Variants in CNKSR2 observed in about 807,000 individuals in gnomAD.
The protein encoded by CNKSR2 is CNK homolog protein 2.
In CNKSR2, 14 loss-of-function variants were observed where a neutral mutation model predicts 84.4. That is an observed-to-expected ratio of 0.17 (90% CI 0.11 to 0.26). The LOEUF (loss-of-function observed/expected upper bound fraction) is 0.26. CNKSR2 is among the 10% of genes least tolerant of loss of function. The probability of loss-of-function intolerance (pLI) is 1.00; values close to 1 mark genes in which losing one functional copy is unlikely to be tolerated. For synonymous variants in CNKSR2, 275 were observed against 277.9 expected (o/e 0.99, Z 0.10); for missense variants, 485 against 771.2 (o/e 0.63, Z 4.40).
intron 1 of CNKSR2, among the ~76,000 whole-genome samples, chrX:21,384,626 A>T (rs140094626): frequency 6.2e-5 from 7 of 112,109 alleles, no homozygotes; most frequent in Non-Finnish European, 1.1e-4. Context: ...GATCAATCTA[A>T]TAATGCAAAC....
intron 5 of CNKSR2, among the ~76,000 whole-genome samples, chrX:21,486,663 C>T (rs1327867543): frequency 8.9e-6 from 1 of 111,740 alleles, no homozygotes; most frequent in African/African-American, 3.2e-5. Flanking sequence ...CAAATTATAG[C>T]TAATAATAAT....
At chrX:21,586,854 A>G (rs369022096) in intron 13 of CNKSR2, among the ~76,000 whole-genome samples, 54 of 112,065 alleles carry the variant, frequency 4.8e-4, no homozygotes, top group African/African-American at 1.5e-3. Flanking sequence ...ATTCCCCTAA[A>G]AGGCATCGCA....
intron 7 of CNKSR2, among the ~76,000 whole-genome samples, chrX:21,500,202 G>A (rs1331620336): frequency 2.7e-5 from 3 of 110,840 alleles, no homozygotes; most frequent in Non-Finnish European, 5.7e-5. Flanking sequence ...TATTACTTCA[G>A]TAACTAGAAC....
At chrX:21,525,332 T>C (rs1259700027) in intron 9 of CNKSR2, among the ~76,000 whole-genome samples, 1 of 111,385 alleles carries the variant, frequency 9.0e-6, no homozygotes, top group African/African-American at 3.2e-5. Context: ...ATTCCAAAAT[T>C]AGCATAGTAA....
At chrX:21,568,714 A>C (rs1159032095) in intron 13 of CNKSR2, among the ~76,000 whole-genome samples, 2 of 111,360 alleles carry the variant, frequency 1.8e-5, no homozygotes, top group Non-Finnish European at 3.8e-5. Context: ...TACAAATACT[A>C]TCTTATTTAA....
At chrX:21,451,222 G>A (rs1405355396) in intron 4 of CNKSR2, among the ~76,000 whole-genome samples, 1 of 111,544 alleles carries the variant, frequency 9.0e-6, no homozygotes, top group African/African-American at 3.3e-5. Flanking sequence ...AGTTGAATAT[G>A]GGGTTCCTTC....
At chrX:21,549,981 G>A (rs2092069910) in intron 11 of CNKSR2, among the ~76,000 whole-genome samples, 1 of 111,901 alleles carries the variant, frequency 8.9e-6, no homozygotes, top group Non-Finnish European at 1.9e-5. Context: ...AGAAAACCTA[G>A]GCAGTACCAT....
intron 2 of CNKSR2, 34 bp downstream of exon 2, chrX:21,426,694 C>A: frequency 8.7e-7 from 1 of 1,146,399 alleles, no homozygotes; most frequent in Non-Finnish European, 1.2e-6. Flanking sequence ...AGGGAAACTT[C>A]TCTTTTTCTT....
At chrX:21,552,386 A>G (rs1601939778) in intron 11 of CNKSR2, among the ~76,000 whole-genome samples, 1 of 112,169 alleles carries the variant, frequency 8.9e-6, no homozygotes, top group Non-Finnish European at 1.9e-5. Flanking sequence ...TGTTTCCCAA[A>G]TGTGTTTGTA....
intron 1 of CNKSR2, among the ~76,000 whole-genome samples, chrX:21,407,838 A>G (rs1449188087): frequency 8.9e-6 from 1 of 112,171 alleles, no homozygotes; most frequent in Non-Finnish European, 1.9e-5. Context: ...CTGTGGTGCT[A>G]TAACCAAAAG....
At chrX:21,463,572 A>G (rs967360117) in intron 4 of CNKSR2, among the ~76,000 whole-genome samples, 1 of 111,410 alleles carries the variant, frequency 9.0e-6, no homozygotes, top group African/African-American at 3.3e-5. Flanking sequence ...GTGTGTGTCT[A>G]GGAATTTATC....
At chrX:21,517,724 T>A (rs1601891476) in intron 9 of CNKSR2, among the ~76,000 whole-genome samples, 1 of 109,324 alleles carries the variant, frequency 9.1e-6, no homozygotes, top group Non-Finnish European at 1.9e-5. Flanking sequence ...AGAAGTTAAT[T>A]AAAAAAAAAT....
At chrX:21,543,063 C>T (rs1569231721) in intron 11 of CNKSR2, among the ~76,000 whole-genome samples, 2 of 112,437 alleles carry the variant, frequency 1.8e-5, no homozygotes, top group Non-Finnish European at 3.8e-5. Context: ...TGACATATAG[C>T]AGTATGATGA....
intron 20 of CNKSR2, among the ~76,000 whole-genome samples, chrX:21,624,061 A>G (rs1211195100): frequency 1.8e-5 from 2 of 111,837 alleles, no homozygotes; most frequent in Admixed American, 1.9e-4. Context: ...TGGAAATCCT[A>G]TGCATTACTG....
chrX:21,635,516 G>T (rs1230858436), intron 20 of CNKSR2, among the ~76,000 whole-genome samples: 38 of 104,390 alleles, frequency 3.6e-4, no homozygotes, highest in African/African-American at 1.1e-3. Flanking sequence ...ATATGTATAT[G>T]TGTATATATA....
intron 20 of CNKSR2, among the ~76,000 whole-genome samples, chrX:21,614,146 G>A (rs190893328): frequency 9.0e-6 from 1 of 110,956 alleles, no homozygotes; most frequent in Non-Finnish European, 1.9e-5. Context: ...TACAAATACA[G>A]AGCAGAAGAT....
intron 20 of CNKSR2, among the ~76,000 whole-genome samples, chrX:21,635,458 A>G (rs1012795606): frequency 9.6e-6 from 1 of 104,619 alleles, no homozygotes; most frequent in Non-Finnish European, 1.9e-5. Context: ...ACACCTATAT[A>G]TATGTATATG....
chrX:21,490,081 A>T (rs1171016847), intron 5 of CNKSR2, among the ~76,000 whole-genome samples: 6 of 111,464 alleles, frequency 5.4e-5, no homozygotes, highest in Admixed American at 1.9e-4. Flanking sequence ...AACTTTTCTG[A>T]CCATGAATTA....
intron 4 of CNKSR2, among the ~76,000 whole-genome samples, chrX:21,455,944 T>C (rs1396558952): frequency 1.8e-5 from 2 of 111,622 alleles, no homozygotes; most frequent in East Asian, 5.6e-4. Context: ...CAGATTCTAC[T>C]CATGCTTCTC....
Sources: allele counts gnomAD v4.1 joint callset (sites outside exome capture counted in the v4.1 genomes callset), GRCh38; gene constraint gnomAD v4.1.1; transcripts MANE v1.5; gene names NCBI Gene and HGNC (gene_info 2026-07-23, HGNC 2026-07-21).